The following PDE1A variants were observed in gnomAD, a reference collection of about 807,000 sequenced individuals.
PDE1A encodes phosphodiesterase 1A.
In PDE1A, 35 loss-of-function variants were observed where a neutral mutation model predicts 61.7. The observed-to-expected ratio is 0.57, with a 90% CI of 0.43 to 0.75. PDE1A has a LOEUF of 0.75. PDE1A is among the 30% of genes least tolerant of loss of function. PDE1A has a pLI of 0.00. For synonymous variants in PDE1A, 232 were observed against 213.2 expected (o/e 1.09, Z -0.77); for missense variants, 597 against 630.6 (o/e 0.95, Z 0.57).
In PDE1A at chr2:182,314,033, T is replaced by G. The variant is rs896606293; in HGVS notation, c.54-49619A>C. On this transcript the variant is annotated intron_variant, in intron 1 of 13. Transcript: ENST00000351439. ...ACAGTCCAGCAATGCCATTTCTAGATAGTTACCCAAAAGTAATGAACACAA... is the reference window on the plus strand; with the variant it reads ...ACAGTCCAGCAATGCCATTTCTAGAGAGTTACCCAAAAGTAATGAACACAA... 3.9e-5 allele frequency among the ~76,000 whole-genome samples: 6 copies of G among 152,196 alleles called. 2 individuals are homozygous for G. The South Asian group carries it at 1.2e-3, about 32-fold the overall frequency.
chr2:182,157,562 A>T (rs1559122070), intron 13 of PDE1A, among the ~76,000 whole-genome samples: 1 of 152,172 alleles, frequency 6.6e-6, no homozygotes, highest in Non-Finnish European at 1.5e-5. Flanking sequence ...TCTAGGGAGG[A>T]TGCGAGAAGA....
chr2:182,689,143 T>C, the PDE1A span, among the ~76,000 whole-genome samples: 1 of 152,064 alleles, frequency 6.6e-6, no homozygotes, highest in Admixed American at 6.5e-5. Context: ...AACAAGGATA[T>C]CCAGGAATTG....
At chr2:182,569,593 T>C in the PDE1A span, among the ~76,000 whole-genome samples, 3 of 152,142 alleles carry the variant, frequency 2.0e-5, no homozygotes, top group Non-Finnish European at 1.5e-5. Context: ...GACACAACAC[T>C]TTGTGCTTAT....
intron 1 of PDE1A, among the ~76,000 whole-genome samples, chr2:182,343,672 A>G (rs1698338517): frequency 6.6e-6 from 1 of 152,160 alleles, no homozygotes. Context: ...AATTGTGATA[A>G]CAATTAAATT....
chr2:182,304,008 C>T (rs1237730909), intron 1 of PDE1A, among the ~76,000 whole-genome samples: 1 of 152,012 alleles, frequency 6.6e-6, no homozygotes, highest in Non-Finnish European at 1.5e-5. Context: ...TCAGGTGATT[C>T]TCCTGCCTCA....
At chr2:182,205,452 C>T (rs1413234955) in intron 8 of PDE1A, among the ~76,000 whole-genome samples, 1 of 151,748 alleles carries the variant, frequency 6.6e-6, no homozygotes, top group African/African-American at 2.4e-5. Flanking sequence ...CAAACAGATG[C>T]TTTGGAGAAA....
chr2:182,567,800 T>G, the PDE1A span, among the ~76,000 whole-genome samples: 1 of 140,468 alleles, frequency 7.1e-6, no homozygotes, highest in Non-Finnish European at 1.6e-5. Context: ...TCTTTTTTCT[T>G]TTTTTTTTTT....
the PDE1A span, among the ~76,000 whole-genome samples, chr2:182,703,829 A>G: frequency 1.3e-5 from 2 of 152,294 alleles, no homozygotes; most frequent in East Asian, 3.9e-4. Context: ...CAGGCCATCC[A>G]TAAATAAGGT....
In PDE1A at chr2:182,328,164, G is replaced by C. The variant is rs773723250; in HGVS notation, c.54-63750C>G. Among the ~76,000 whole-genome samples, 86 of 152,146 alleles carry C rather than the reference G, an allele frequency of 5.7e-4. 1 individual carries two copies. Among genetic ancestry groups the C allele is most frequent in the Non-Finnish European group, 1.1e-3 (72 of 68,038 alleles). On this transcript the variant is annotated intron_variant, in intron 1 of 13. Transcript: ENST00000351439. Reference sequence around the variant, plus strand: ...AGAGTGACAGGGCAGAGACCAAGAAGGTGTGAAATAGATTCTAAGAGAGTA... The same window carrying C: ...AGAGTGACAGGGCAGAGACCAAGAACGTGTGAAATAGATTCTAAGAGAGTA...
At chr2:182,605,290 C>G in the PDE1A span, among the ~76,000 whole-genome samples, 1 of 152,088 alleles carries the variant, frequency 6.6e-6, no homozygotes, top group African/African-American at 2.4e-5. Context: ...TTTCCTCTTC[C>G]TACACTAGCT....
intron 2 of PDE1A, among the ~76,000 whole-genome samples, chr2:182,444,885 C>A (rs1685033152): frequency 1.3e-5 from 2 of 152,038 alleles, no homozygotes; most frequent in South Asian, 4.1e-4. Context: ...AAGAACTCTT[C>A]AAAAAGAGTG....
chr2:182,442,392 G>C (rs1175409240), intron 2 of PDE1A, among the ~76,000 whole-genome samples: 1 of 151,972 alleles, frequency 6.6e-6, no homozygotes, highest in African/African-American at 2.4e-5. Context: ...TATCATCTTA[G>C]ATTTCCTTCT....
the PDE1A span, among the ~76,000 whole-genome samples, chr2:182,584,997 G>C: frequency 5.3e-5 from 8 of 152,072 alleles, no homozygotes; most frequent in African/African-American, 1.7e-4. Context: ...AAAGTAAGAG[G>C]GTTCTTCAAC....
chr2:182,165,826 T>C (rs1462308951), downstream of PDE1A, among the ~76,000 whole-genome samples: 1 of 152,234 alleles, frequency 6.6e-6, no homozygotes, highest in Admixed American at 6.5e-5. Flanking sequence ...TATATTAACA[T>C]GTCTTAAGCA....
chr2:182,367,067 G>A (rs1231842647), intron 1 of PDE1A, among the ~76,000 whole-genome samples: 2 of 151,836 alleles, frequency 1.3e-5, no homozygotes, highest in East Asian at 3.9e-4. Flanking sequence ...ATCACCTAAT[G>A]CAGGCAAAAA....
intron 2 of PDE1A, among the ~76,000 whole-genome samples, chr2:182,480,205 C>A (rs1317078388): frequency 1.3e-5 from 2 of 151,876 alleles, no homozygotes; most frequent in Admixed American, 6.6e-5. Flanking sequence ...ATATCATATT[C>A]TCTCCCAATT....
chr2:182,497,210 G>A (rs1403760004), intron 2 of PDE1A, among the ~76,000 whole-genome samples: 1 of 152,138 alleles, frequency 6.6e-6, no homozygotes, highest in South Asian at 2.1e-4. Context: ...CCCTCAAAAG[G>A]ACAGTGTGAA....
intron 1 of PDE1A, among the ~76,000 whole-genome samples, chr2:182,339,285 T>C (rs965712572): frequency 5.3e-5 from 8 of 152,318 alleles, no homozygotes; most frequent in African/African-American, 1.7e-4. Context: ...CCCTACCTCA[T>C]TTCATATTAC....
At chr2:182,490,129 G>A (rs910637678) in intron 2 of PDE1A, among the ~76,000 whole-genome samples, 9 of 152,216 alleles carry the variant, frequency 5.9e-5, no homozygotes, top group Non-Finnish European at 1.2e-4. Context: ...AATGGGCCAA[G>A]AGAGATAAAG....
Sources: gnomAD v4.1 joint callset for allele counts (sites outside exome capture counted in the v4.1 genomes callset) on GRCh38, gnomAD v4.1.1 for gene constraint, MANE v1.5 for transcripts, NCBI Gene and HGNC (gene_info 2026-07-23, HGNC 2026-07-21) for gene names.